Variants in MAML1 observed in about 807,000 individuals in gnomAD.
The protein encoded by MAML1 is mastermind like transcriptional coactivator 1, also known as mastermind-like protein 1.
MAML1 carries 14 observed loss-of-function variants against 77.1 expected under a neutral mutation model. The ratio of observed to expected loss-of-function variants is 0.18; its 90% confidence interval spans 0.12 to 0.28. The LOEUF is 0.28. Among genes scored for constraint, MAML1 ranks in the 10% least tolerant of loss-of-function variants. The pLI, the probability that MAML1 is intolerant of heterozygous loss-of-function variation, is 1.00. For missense variants in MAML1, 1,217 were observed against 1,327.8 expected (o/e 0.92, Z 1.30); for synonymous variants, 516 against 551.9 (o/e 0.93, Z 0.91).
rs955568342 is a variant in MAML1, at chr5:179,743,533, A to AT, written c.315+10116dup. Among the ~76,000 whole-genome samples the AT allele has an allele frequency of 8.2e-4, 120 of 145,536 alleles. No individual in the cohort carries two copies. In the East Asian group the frequency reaches 0.018, roughly 21 times the overall value. The stretch of plus-strand genomic sequence containing the variant: ...AGGCGCCCACCACCACGCCCGGCTA[A>AT]TTTTTTTTTTGTATTTTTAGTAGAG... On this transcript the variant is annotated intron_variant, in intron 1 of 4. Transcript: ENST00000292599.
chr5:179,761,901 A>G (rs1426381811), intron 1 of MAML1, among the ~76,000 whole-genome samples: 3 of 152,108 alleles, frequency 2.0e-5, no homozygotes, highest in African/African-American at 7.2e-5. Flanking sequence ...CAGGAATGTA[A>G]TCCATATTGC....
At chr5:179,761,179 G>A (rs1487789724) in intron 1 of MAML1, among the ~76,000 whole-genome samples, 5 of 150,738 alleles carry the variant, frequency 3.3e-5, no homozygotes, top group South Asian at 2.1e-4. Flanking sequence ...GGGTCGCTTC[G>A]GCCCAGGAGT....
Position 179,774,174 on chromosome 5 carries a change from G to A in MAML1, c.2348G>A (p.Arg783Gln), listed in dbSNP as rs944752991. The change falls in exon 5 of 5, where the codon CGG (arginine) becomes CAG (glutamine). Residue 783 changes from arginine (R) to glutamine (Q), a missense_variant. By Grantham distance (43) the Arg-to-Gln change is conservative. Around this residue, in one of 3 missense-constraint regions of MAML1, gnomAD observed 884 missense variants for 949.3 expected, o/e 0.93. Transcript: ENST00000292599. ...QATNGHAHIPRQTNVGQNTSV... is the reference protein window; with the variant it reads ...QATNGHAHIPQQTNVGQNTSV... ...ACCAATGGACATGCCCACATTCCACGGCAGACCAACGTGGGCCAGAACACC... is the reference window on the plus strand; with the variant it reads ...ACCAATGGACATGCCCACATTCCACAGCAGACCAACGTGGGCCAGAACACC... 14 of 1,613,312 alleles carry A rather than the reference G, an allele frequency of 8.7e-6. No homozygotes were observed. The highest frequency in any genetic ancestry group is 1.0e-5 in the Non-Finnish European group (12 of 1,180,016).
At chr5:179,753,658 T>TATTA (rs1487643769) in intron 1 of MAML1, among the ~76,000 whole-genome samples, 32 of 129,544 alleles carry the variant, frequency 2.5e-4, no homozygotes, top group African/African-American at 5.4e-4. Flanking sequence ...ATTATTATTT[T>TATTA]TTTTTTTTTT....
Position 179,774,710 on chromosome 5 carries a change from C to A in MAML1, c.2884C>A (p.Pro962Thr), listed in dbSNP as rs769535823. The A allele has an allele frequency of 1.2e-6, 2 of 1,610,902 alleles. No individual in the cohort carries two copies. Among genetic ancestry groups the A allele is most frequent in the South Asian group, 2.2e-5 (2 of 91,084 alleles). ...GGGGCTGCACTGCACCCAGGCCTAC[C>A]CTGTGCGGACCGCGGGCCAGGAGCT... is the stretch of plus-strand genomic sequence containing the variant. The part of the protein sequence containing the change: ...RAGLHCTQAY[P>T]VRTAGQELPF... The change falls in exon 5 of 5, where the codon CCT becomes ACT. Residue 962 changes from proline (P) to threonine (T), a missense_variant. By Grantham distance (38) the Pro-to-Thr change is conservative. This residue lies in a region of MAML1 where 884 missense variants were observed against 949.3 expected (regional missense o/e 0.93). Coordinates refer to ENST00000292599, the MANE Select transcript of MAML1 (RefSeq NM_014757.5).
chr5:179,771,380 C>T lies in MAML1; in HGVS notation c.2068+137C>T. 1 of 696,416 alleles carries T rather than the reference C, an allele frequency of 1.4e-6. No homozygotes were observed. Among genetic ancestry groups the T allele is most frequent in the Non-Finnish European group, 2.4e-6 (1 of 416,096 alleles). The allele number at this position is 696,416 out of a possible 1,614,324, so 43.1% of individuals were successfully genotyped here. Reference sequence around the variant, plus strand: ...TGTCATCATATACACCTCAGTTTGCCTAAGGGGCCTGGTTTTCTAGTTACT... The same window carrying T: ...TGTCATCATATACACCTCAGTTTGCTTAAGGGGCCTGGTTTTCTAGTTACT... On this transcript the variant is annotated intron_variant, in intron 4 of 4. Coordinates refer to ENST00000292599, the MANE Select transcript of MAML1 (RefSeq NM_014757.5). This position sits in a 1 kb window ranked among gnomAD's most constrained non-coding sequence, Gnocchi z 4.7.
At chr5:179,767,974 A>C (rs1779853554) in intron 2 of MAML1, among the ~76,000 whole-genome samples, 1 of 152,244 alleles carries the variant, frequency 6.6e-6, no homozygotes, top group Non-Finnish European at 1.5e-5. Context: ...TTGACAGAGA[A>C]TATCTGTTAA....
At chr5:179,749,760 G>A (rs936849205) in intron 1 of MAML1, among the ~76,000 whole-genome samples, 9 of 152,138 alleles carry the variant, frequency 5.9e-5, no homozygotes, top group East Asian at 1.9e-4. Context: ...TGCACCAGAC[G>A]TGGAGGGCAA....
intron 1 of MAML1, among the ~76,000 whole-genome samples, chr5:179,753,891 C>T (rs1168128073): frequency 5.3e-5 from 8 of 151,780 alleles, no homozygotes; most frequent in East Asian, 2.0e-4. Context: ...AAGCTGGTCT[C>T]GAACTCCCGA....
intron 1 of MAML1, among the ~76,000 whole-genome samples, chr5:179,752,668 G>A (rs1256429928): frequency 9.8e-5 from 14 of 142,200 alleles, no homozygotes; most frequent in South Asian, 4.4e-4. Flanking sequence ...GTGCAGTGGC[G>A]TGATCTCAGC....
At position 179,774,037 on chromosome 5, in the gene MAML1, A is replaced by G. The variant is rs1421770889; in HGVS notation, c.2211A>G (p.Gln737=). The stretch of plus-strand genomic sequence containing the variant: ...CCTCTCTCCCCACAAACTCAGGCCA[A>G]CAGGACCGGGGTGTGGCTCAGTTCC... ...SVSSLPTNSG[Q]QDRGVAQFPG... Residue 737 remains glutamine (Q), a synonymous_variant, in exon 5 of 5, where the codon CAA becomes CAG. Coordinates refer to ENST00000292599, the MANE Select transcript of MAML1 (RefSeq NM_014757.5). 2 of 1,614,178 alleles carry G rather than the reference A, an allele frequency of 1.2e-6. No homozygotes were observed. The highest frequency in any genetic ancestry group is 1.7e-6 in the Non-Finnish European group (2 of 1,180,038).
chr5:179,754,778 C>T (rs772386422), intron 1 of MAML1, among the ~76,000 whole-genome samples: 82 of 152,068 alleles, frequency 5.4e-4, no homozygotes, highest in Non-Finnish European at 1.0e-3. Context: ...CCAATAGATT[C>T]CCAGGTGATG....
intron 1 of MAML1, among the ~76,000 whole-genome samples, chr5:179,739,343 C>T (rs1455760206): frequency 6.6e-6 from 1 of 152,000 alleles, no homozygotes; most frequent in East Asian, 1.9e-4. Flanking sequence ...TATAACAAGA[C>T]TCCATCTCTC....
chr5:179,763,825 G>A (rs747580448), intron 1 of MAML1, among the ~76,000 whole-genome samples: 9 of 146,256 alleles, frequency 6.2e-5, no homozygotes, highest in South Asian at 2.3e-4. Flanking sequence ...CCTGTCTAAA[G>A]ATAATAATGA....
chr5:179,770,523 A>G (rs1755965976), intron 3 of MAML1, among the ~76,000 whole-genome samples: 1 of 152,210 alleles, frequency 6.6e-6, no homozygotes, highest in African/African-American at 2.4e-5. Flanking sequence ...GGTAACAGCA[A>G]TTGATTCCTC....
At chr5:179,743,045 A>G (rs1330159740) in intron 1 of MAML1, among the ~76,000 whole-genome samples, 4 of 115,494 alleles carry the variant, frequency 3.5e-5, no homozygotes, top group Non-Finnish European at 6.9e-5. Flanking sequence ...ACCCCTTCAC[A>G]CTTTTTTTTT....
intron 3 of MAML1, among the ~76,000 whole-genome samples, chr5:179,770,636 A>G (rs1755968310): frequency 1.3e-5 from 2 of 152,318 alleles, no homozygotes; most frequent in South Asian, 4.1e-4. Flanking sequence ...TATTGCTGCT[A>G]TGAACATTCA....
chr5:179,774,245 C>G lies in MAML1; in HGVS notation c.2419C>G (p.Leu807Val). Reference protein sequence around the residue: ...YGQNSLGSSGLSQQHNKGTLN... With the variant: ...YGQNSLGSSGVSQQHNKGTLN... ...GCAGAACTCTCTGGGAAGCTCTGGCCTCTCCCAGCAGCACAATAAGGGGAC... is the reference window on the plus strand; with the variant it reads ...GCAGAACTCTCTGGGAAGCTCTGGCGTCTCCCAGCAGCACAATAAGGGGAC... Residue 807 changes from leucine (L) to valine (V), a missense_variant, in exon 5 of 5, where the codon CTC becomes GTC. Transcript: ENST00000292599. The G allele has an allele frequency of 2.5e-6, 4 of 1,613,454 alleles. No homozygotes were observed. The highest frequency in any genetic ancestry group is 1.1e-5 in the South Asian group (1 of 91,064).
At chr5:179,773,847 C>G in intron 4 of MAML1, 48 bp from the exon 5 acceptor site, 5 of 1,569,476 alleles carry the variant, frequency 3.2e-6, no homozygotes, top group Non-Finnish European at 4.3e-6. Context: ...CTCAGAGGGA[C>G]CCAGTGGTGG....
Sources: allele counts gnomAD v4.1 joint callset (sites outside exome capture counted in the v4.1 genomes callset), GRCh38; gene constraint gnomAD v4.1.1; regional missense constraint gnomAD v4.1.1; non-coding constraint Gnocchi (gnomAD v3.1); transcripts MANE v1.5; gene names NCBI Gene and HGNC (gene_info 2026-07-23, HGNC 2026-07-21).